Variants in CLSTN2 observed in about 807,000 individuals in gnomAD.
The protein encoded by CLSTN2 is calsyntenin 2.
A neutral mutation model predicts 101.2 loss-of-function variants in CLSTN2; 48 were observed. The observed-to-expected ratio is 0.47, with a 90% confidence interval of 0.38 to 0.60. The LOEUF (loss-of-function observed/expected upper bound fraction) is 0.60. Ranked by LOEUF, CLSTN2 falls within the 20% of genes least tolerant of loss-of-function variation. The pLI, the probability that CLSTN2 is intolerant of heterozygous loss-of-function variation, is 0.00. For synonymous variants in CLSTN2, 481 were observed against 463.6 expected (o/e 1.04, Z -0.48); for missense variants, 1,160 against 1,238.2 (o/e 0.94, Z 0.95).
At chr3:140,275,131 C>T (rs1337313281) in intron 2 of CLSTN2, among the ~76,000 whole-genome samples, 1 of 152,204 alleles carries the variant, frequency 6.6e-6, no homozygotes, top group Non-Finnish European at 1.5e-5. Context: ...CGGGGCAACT[C>T]CGAGATTTAA....
At chr3:139,967,435 G>A (rs1337065265) in intron 1 of CLSTN2, among the ~76,000 whole-genome samples, 2 of 152,212 alleles carry the variant, frequency 1.3e-5, no homozygotes, top group African/African-American at 4.8e-5. Flanking sequence ...TTGTCTGCCA[G>A]CTGCACCTCA....
intron 2 of CLSTN2, among the ~76,000 whole-genome samples, chr3:140,382,078 T>C (rs1011247089): frequency 2.0e-5 from 3 of 152,160 alleles, no homozygotes; most frequent in Non-Finnish European, 4.4e-5. Context: ...AGTGTGTAGG[T>C]ACCCTCCACC....
chr3:140,399,206 T>C (rs1048941812), intron 2 of CLSTN2, among the ~76,000 whole-genome samples: 2 of 152,238 alleles, frequency 1.3e-5, no homozygotes, highest in African/African-American at 4.8e-5. Context: ...AAATGATATC[T>C]TTATATGAAA....
At chr3:140,467,232 G>A (rs947748659) in intron 8 of CLSTN2, among the ~76,000 whole-genome samples, 1 of 152,194 alleles carries the variant, frequency 6.6e-6, no homozygotes, top group African/African-American at 2.4e-5. Context: ...TCACTCCAGA[G>A]CCTCGTGACT....
In CLSTN2 at chr3:140,459,627, C is replaced by T; in HGVS notation, c.1080C>T (p.Gly360=). The change falls in exon 7 of 17, where the codon GGC becomes GGT. Residue 360 remains glycine (G), a synonymous_variant. Transcript: ENST00000458420. ...GTGAGATGATCTTCAAGTTTGACGG[C>T]AGGCAGGGTGCCAAAGTCCCCGATG... ...DSSEMIFKFD[G]RQGAKVPDGI... 6.2e-7 allele frequency: 1 copy of T among 1,614,166 alleles called. No individual in the cohort carries two copies. The highest frequency in any genetic ancestry group is 8.5e-7 in the Non-Finnish European group (1 of 1,180,012).
intron 1 of CLSTN2, among the ~76,000 whole-genome samples, chr3:140,009,131 G>A (rs1302855008): frequency 1.3e-5 from 2 of 152,186 alleles, no homozygotes; most frequent in Admixed American, 1.3e-4. Flanking sequence ...AATTTTGGCT[G>A]TGACATTGAA....
At chr3:140,418,204 C>T (rs546896861) in intron 4 of CLSTN2, among the ~76,000 whole-genome samples, 1 of 152,032 alleles carries the variant, frequency 6.6e-6, no homozygotes, top group African/African-American at 2.4e-5. Flanking sequence ...TTCCACCTGA[C>T]AGAATTCCTC....
At chr3:139,971,033 A>G (rs1935693260) in intron 1 of CLSTN2, among the ~76,000 whole-genome samples, 1 of 152,234 alleles carries the variant, frequency 6.6e-6, no homozygotes, top group Non-Finnish European at 1.5e-5. Flanking sequence ...AGGGAAGATT[A>G]TGGTTTAGAA....
chr3:140,104,449 G>A (rs1009456010), intron 1 of CLSTN2, among the ~76,000 whole-genome samples: 1 of 152,210 alleles, frequency 6.6e-6, no homozygotes, highest in Non-Finnish European at 1.5e-5. Context: ...GCTAAGAGGA[G>A]CTCCTAGTTT....
At chr3:140,509,821 A>G in intron 8 of CLSTN2, among the ~76,000 whole-genome samples, 1 of 152,178 alleles carries the variant, frequency 6.6e-6, no homozygotes. Context: ...GAATTTGCAA[A>G]TCAGCCCCAG....
chr3:139,946,398 T>C (rs189390484), intron 1 of CLSTN2, among the ~76,000 whole-genome samples: 49 of 152,288 alleles, frequency 3.2e-4, no homozygotes, highest in Admixed American at 3.1e-3. Flanking sequence ...CATGTCCAAG[T>C]GGGTATGGGT....
intron 1 of CLSTN2, among the ~76,000 whole-genome samples, chr3:140,003,446 T>C (rs369478709): frequency 6.6e-6 from 1 of 152,222 alleles, no homozygotes. Flanking sequence ...AATAGCTTTT[T>C]GTGGAATCTT....
At chr3:140,165,712 T>C (rs9818488) in intron 1 of CLSTN2, among the ~76,000 whole-genome samples, 103,972 of 152,056 alleles carry the variant, frequency 0.68, 39,824 homozygotes, top group East Asian at 0.91. Context: ...CCTAGCCTGG[T>C]ATCCTAGTGG....
intron 1 of CLSTN2, among the ~76,000 whole-genome samples, chr3:140,025,300 C>T (rs2007396017): frequency 6.6e-6 from 1 of 152,162 alleles, no homozygotes; most frequent in Non-Finnish European, 1.5e-5. Context: ...TTAAGAATAC[C>T]TACAGAAATG....
intron 7 of CLSTN2, among the ~76,000 whole-genome samples, chr3:140,463,586 G>A (rs1420810436): frequency 6.6e-6 from 1 of 152,244 alleles, no homozygotes; most frequent in Non-Finnish European, 1.5e-5. Context: ...TGGTGTCAGA[G>A]CAGAGCCCAG....
intron 2 of CLSTN2, among the ~76,000 whole-genome samples, chr3:140,190,783 C>A (rs967948799): frequency 2.2e-4 from 34 of 152,052 alleles, no homozygotes; most frequent in African/African-American, 8.2e-4. Context: ...TGTTATGCAA[C>A]CTTGCTGAAT....
At chr3:140,392,848 AT>A (rs200216231) in intron 2 of CLSTN2, among the ~76,000 whole-genome samples, 8 of 149,422 alleles carry the variant, frequency 5.4e-5, no homozygotes, top group South Asian at 2.1e-4. Context: ...AAAAGAACTT[AT>A]TTTTTTTTTA....
chr3:140,497,707 T>A lies in CLSTN2; in HGVS notation c.1344+30976T>A, dbSNP rs73867188. 9.9e-3 allele frequency among the ~76,000 whole-genome samples: 1,515 copies of A among 152,270 alleles called. 36 individuals carry two copies. Among genetic ancestry groups the A allele is most frequent in the African/African-American group, 0.034 (1,417 of 41,554 alleles). On this transcript the variant is annotated intron_variant, in intron 8 of 16. Coordinates refer to ENST00000458420, the MANE Select transcript of CLSTN2 (RefSeq NM_022131.3). ...TGTACGGATGGATCTCCTGCCTTGCTAGGATTCCTGGGGCCAGAGTCTATA... is the reference window on the plus strand; with the variant it reads ...TGTACGGATGGATCTCCTGCCTTGCAAGGATTCCTGGGGCCAGAGTCTATA...
rs1934321320 is a variant in CLSTN2 at position 140,490,107 on chromosome 3, TATATATATATACACACACACACACACAC to T, written c.1344+23378_1344+23405del. On this transcript the variant is annotated intron_variant, in intron 8 of 16. Coordinates refer to ENST00000458420, the MANE Select transcript of CLSTN2 (RefSeq NM_022131.3). ...GTGTGTGTATATATATATATATATA[TATATATATATACACACACACACACACAC>T]ACACACACACACACACACACACACA... Among the ~76,000 whole-genome samples the T allele has an allele frequency of 5.7e-4, 4 of 7,052 alleles. 1 individual carries two copies. Among genetic ancestry groups the T allele is most frequent in the East Asian group, 5.7e-3 (1 of 174 alleles). 4.6% of individuals were successfully genotyped at this position (7,052 alleles called of 152,430 possible).
Sources: gnomAD v4.1 joint callset for allele counts (sites outside exome capture counted in the v4.1 genomes callset) on GRCh38, gnomAD v4.1.1 for gene constraint, MANE v1.5 for transcripts, NCBI Gene and HGNC (gene_info 2026-07-23, HGNC 2026-07-21) for gene names.